The following OPCML variants were observed in gnomAD, a reference collection of about 807,000 sequenced individuals.
OPCML encodes opioid binding protein/cell adhesion molecule like, also known as opioid-binding protein/cell adhesion molecule.
In OPCML, 13 loss-of-function variants were observed where a neutral mutation model predicts 37.8. The ratio of observed to expected loss-of-function variants is 0.34; its 90% CI spans 0.22 to 0.55. The LOEUF (loss-of-function observed/expected upper bound fraction) is 0.55, where lower values mean the gene tolerates loss of function less well. OPCML is among the 20% of genes least tolerant of loss of function. OPCML has a pLI of 0.91. For missense variants in OPCML, 341 were observed against 435.6 expected (o/e 0.78, Z 1.93); for synonymous variants, 176 against 168.8 (o/e 1.04, Z -0.33).
intron 4 of OPCML, among the ~76,000 whole-genome samples, chr11:132,444,859 A>G (rs1415043503): frequency 6.6e-6 from 1 of 152,152 alleles, no homozygotes; most frequent in Non-Finnish European, 1.5e-5. Flanking sequence ...CCTGCTCCCA[A>G]CTTCCAGATT....
chr11:132,981,088 C>T (rs757739300), intron 1 of OPCML, among the ~76,000 whole-genome samples: 1 of 152,228 alleles, frequency 6.6e-6, no homozygotes, highest in Non-Finnish European at 1.5e-5. Flanking sequence ...GTATTCTAAT[C>T]TTGTGGGACC....
At chr11:132,759,433 G>GT (rs1591568216) in intron 2 of OPCML, among the ~76,000 whole-genome samples, 2 of 151,976 alleles carry the variant, frequency 1.3e-5, no homozygotes, top group South Asian at 2.1e-4. Context: ...CTGGTCCTGG[G>GT]CTTTTTTTGG....
chr11:133,207,545 A>C lies in OPCML; in HGVS notation c.62-264535T>G, dbSNP rs112282108. Among the ~76,000 whole-genome samples, 52 of 152,326 alleles carry C rather than the reference A, an allele frequency of 3.4e-4. 2 individuals carry two copies. The highest frequency in any genetic ancestry group is 3.4e-3 in the Middle Eastern group (1 of 294). ...AGATCTCTGGACAATTCGCTCTGTC[A>C]CTAAGCCTCACTTTTTCCATCTGTG... On this transcript the variant is annotated intron_variant, in intron 1 of 7. Coordinates refer to ENST00000524381, the MANE Select transcript of OPCML (RefSeq NM_001012393.5).
rs150712736 is a variant in OPCML at position 133,296,395 on chromosome 11, T to C, written c.61+235869A>G. Among the ~76,000 whole-genome samples the C allele has an allele frequency of 1.5e-3, 227 of 152,280 alleles. 5 individuals carry two copies. The highest frequency in any genetic ancestry group is 0.01 in the Middle Eastern group (3 of 294). ...TTCACAGTCACCTGAATTAAAAGACTCCGCAGGTACTGTGGAGTGAGGTTC... is the reference window on the plus strand; with the variant it reads ...TTCACAGTCACCTGAATTAAAAGACCCCGCAGGTACTGTGGAGTGAGGTTC... On this transcript the variant is annotated intron_variant, in intron 1 of 7. Transcript: ENST00000524381.
At chr11:132,774,144 G>T (rs2136130656) in intron 2 of OPCML, among the ~76,000 whole-genome samples, 1 of 152,268 alleles carries the variant, frequency 6.6e-6, no homozygotes, top group South Asian at 2.1e-4. Flanking sequence ...TACTCTATGT[G>T]TTAAGCTTCA....
At chr11:133,517,523 A>T (rs1310545339) in intron 1 of OPCML, among the ~76,000 whole-genome samples, 2 of 152,086 alleles carry the variant, frequency 1.3e-5, no homozygotes. Context: ...AGTGGGGGCA[A>T]CTCCCCCATA....
chr11:133,274,778 A>C (rs923561629), intron 1 of OPCML, among the ~76,000 whole-genome samples: 2 of 152,116 alleles, frequency 1.3e-5, no homozygotes, highest in Non-Finnish European at 2.9e-5. Context: ...AGCTTTTACA[A>C]AGAATTAATT....
At chr11:133,439,432 CCTAA>C in intron 1 of OPCML, 5 of 984,988 alleles carry the variant, frequency 5.1e-6, no homozygotes, top group Non-Finnish European at 4.8e-6. Context: ...ATGAGGCCAA[CCTAA>C]CTCTTTTTTG....
chr11:132,757,174 CCA>C (rs60723542), intron 2 of OPCML, among the ~76,000 whole-genome samples: 3,065 of 152,276 alleles, frequency 0.02, 82 homozygotes, highest in African/African-American at 0.067. Context: ...TGCATATGTG[CCA>C]CATGTTCTTT....
intron 2 of OPCML, among the ~76,000 whole-genome samples, chr11:132,845,278 C>G (rs1049996142): frequency 6.6e-6 from 1 of 152,068 alleles, no homozygotes; most frequent in Non-Finnish European, 1.5e-5. Flanking sequence ...GTAGAACAGC[C>G]CTGCATTGCC....
chr11:133,354,135 C>T (rs538287131), intron 1 of OPCML, among the ~76,000 whole-genome samples: 25 of 3,682 alleles, frequency 6.8e-3, no homozygotes, highest in African/African-American at 0.025. Flanking sequence ...AATCAAAGGG[C>T]GTTTATAAAA....
At chr11:132,479,189 G>A (rs2096168598) in intron 4 of OPCML, among the ~76,000 whole-genome samples, 1 of 152,130 alleles carries the variant, frequency 6.6e-6, no homozygotes. Flanking sequence ...AGCCAAAAAA[G>A]GGCGAGGCAT....
rs562888522 is a variant in OPCML at position 133,376,732 on chromosome 11, A to T, written c.61+155532T>A. 3.3e-5 allele frequency among the ~76,000 whole-genome samples: 5 copies of T among 152,358 alleles called. No homozygotes were observed. In the South Asian group the frequency reaches 1.0e-3, roughly 32 times the overall value. On this transcript the variant is annotated intron_variant, in intron 1 of 7. Coordinates refer to ENST00000524381, the MANE Select transcript of OPCML (RefSeq NM_001012393.5). The stretch of plus-strand genomic sequence containing the variant: ...TATGAACTCTTGGATAAACAGAGTA[A>T]TTTGGGAATAGTTGGACAGTTAGTA...
At chr11:133,484,961 T>G (rs1413065695) in intron 1 of OPCML, among the ~76,000 whole-genome samples, 1 of 151,982 alleles carries the variant, frequency 6.6e-6, no homozygotes, top group East Asian at 1.9e-4. Flanking sequence ...ACATAAATCT[T>G]CATAGCAAAA....
chr11:133,044,139 A>G (rs1177521646), intron 1 of OPCML, among the ~76,000 whole-genome samples: 1 of 152,200 alleles, frequency 6.6e-6, no homozygotes, highest in African/African-American at 2.4e-5. Flanking sequence ...AAAGATCAGT[A>G]GGAGTAAGCC....
At chr11:133,531,299 T>A (rs1016892012) in intron 1 of OPCML, among the ~76,000 whole-genome samples, 3 of 152,166 alleles carry the variant, frequency 2.0e-5, no homozygotes, top group Non-Finnish European at 4.4e-5. Context: ...GCTAAGCTCA[T>A]TTTGGTAGGA....
chr11:133,384,160 T>C lies in OPCML; in HGVS notation c.61+148104A>G, dbSNP rs1944989121. Among the ~76,000 whole-genome samples, 3 of 144,988 alleles carry C rather than the reference T, an allele frequency of 2.1e-5. No individual in the cohort carries two copies. The South Asian group carries it at 6.4e-4, about 31-fold the overall frequency. ...AGCTATATGACTGAATTAGCAACAATGTATCCAATTTCTGGGGACACCTTT... is the reference window on the plus strand; with the variant it reads ...AGCTATATGACTGAATTAGCAACAACGTATCCAATTTCTGGGGACACCTTT... On this transcript the variant is annotated intron_variant, in intron 1 of 7. Transcript: ENST00000524381.
chr11:133,239,395 A>T (rs772219714), intron 1 of OPCML, among the ~76,000 whole-genome samples: 1 of 152,238 alleles, frequency 6.6e-6, no homozygotes, highest in Non-Finnish European at 1.5e-5. Context: ...TCTGTAGTCT[A>T]CAGTTGGCTG....
At chr11:133,109,084 T>C (rs902064746) in intron 1 of OPCML, among the ~76,000 whole-genome samples, 4 of 152,180 alleles carry the variant, frequency 2.6e-5, no homozygotes, top group African/African-American at 9.7e-5. Context: ...ATGAGGTTAA[T>C]TGGTTTCTCT....
Sources: allele counts gnomAD v4.1 joint callset (sites outside exome capture counted in the v4.1 genomes callset), GRCh38; gene constraint gnomAD v4.1.1; transcripts MANE v1.5; gene names NCBI Gene and HGNC (gene_info 2026-07-23, HGNC 2026-07-21).